The following KMT5C variants were observed in gnomAD, a reference collection of about 807,000 sequenced individuals.
KMT5C encodes the protein lysine methyltransferase 5C, also known as histone-lysine N-methyltransferase KMT5C.
KMT5C carries 16 observed loss-of-function variants against 38.2 expected under a neutral mutation model. That is an observed-to-expected ratio of 0.42 (90% CI 0.28 to 0.64). KMT5C has a LOEUF of 0.64. KMT5C is among the 30% of genes least tolerant of loss of function. KMT5C has a pLI of 0.23. For missense variants in KMT5C, 598 were observed against 665.1 expected, an observed-to-expected ratio of 0.90 and a Z score of 1.11; for synonymous variants, 291 against 279.0, an observed-to-expected ratio of 1.04 and a Z score of -0.43.
At position 55,347,132 on chromosome 19, in the gene KMT5C, C is replaced by G. The variant is rs1335371579; in HGVS notation, c.1072C>G (p.Arg358Gly). The change falls in exon 9 of 9, where the codon CGA becomes GGA. Residue 358 changes from arginine (R) to glycine (G), a missense_variant. Physicochemically the swap from Arg to Gly is moderately radical, Grantham distance 125. Coordinates refer to ENST00000255613, the MANE Select transcript of KMT5C (RefSeq NM_032701.4). The surrounding 1 kb of genome is among the most constrained non-coding windows in gnomAD (Gnocchi z 4.6). ...CCACGCTGCCCGCGTCTCCCTGCAC[C>G]GATGGGGAGGCTGTGGCCCCCACTG... ...THHAARVSLH[R>G]WGGCGPHCRL... 2 of 1,542,396 alleles carry G rather than the reference C, an allele frequency of 1.3e-6. No individual in the cohort carries two copies. Among genetic ancestry groups the G allele is most frequent in the East Asian group, 4.8e-5 (2 of 41,362 alleles).
rs1040667879 is a variant in KMT5C at position 55,343,882 on chromosome 19, G to A, written c.550+39G>A. 1.9e-6 allele frequency: 3 copies of A among 1,609,532 alleles called. No individual in the cohort carries two copies. In the African/African-American group the frequency reaches 4.0e-5, roughly 22 times the overall value. On this transcript the variant is annotated intron_variant, in intron 5 of 8. Transcript: ENST00000255613. The surrounding 1 kb of genome is among the most constrained non-coding windows in gnomAD (Gnocchi z 5.5). ...AGGTGGATGGGCAGGACGGGATAGA[G>A]CCAGGCAGGGCTGGAGGGGTGTAGT... is the stretch of plus-strand genomic sequence containing the variant.
Position 55,343,756 on chromosome 19 carries a change from G to T in KMT5C, c.463G>T (p.Ala155Ser). The T allele has an allele frequency of 6.2e-7, 1 of 1,603,766 alleles. No individual in the cohort carries two copies. The change falls in exon 5 of 9, where the codon GCC becomes TCC. Residue 155 changes from alanine (A) to serine (S), a missense_variant. By Grantham distance (99) the Ala-to-Ser change is moderately conservative. Coordinates refer to ENST00000255613, the MANE Select transcript of KMT5C (RefSeq NM_032701.4). This position sits in a 1 kb window ranked among gnomAD's most constrained non-coding sequence, Gnocchi z 5.5. ...GGAGGCAGATGAGGGGCTGCTGAGG[G>T]CCGGTGAGAATGACTTCAGCATCAT... Reference protein sequence around the residue: ...LREADEGLLRAGENDFSIMYS... With the variant: ...LREADEGLLRSGENDFSIMYS...
intron 6 of KMT5C, chr19:55,345,241 G>C (rs2089604465): frequency 2.7e-6 from 1 of 365,562 alleles, no homozygotes; most frequent in Non-Finnish European, 5.4e-6. Flanking sequence ...GCAAAGGGGG[G>C]CGTCTAGCAG....
In KMT5C at chr19:55,348,006, T is replaced by A. The variant is rs965115252; in HGVS notation, c.*557T>A. The A allele has an allele frequency of 6.5e-6, 1 of 152,992 alleles. No individual in the cohort carries two copies. Among genetic ancestry groups the A allele is most frequent in the African/African-American group, 2.4e-5 (1 of 41,470 alleles). The allele number at this position is 152,992 out of a possible 1,614,324, so 9.5% of individuals were successfully genotyped here. A position where few individuals can be genotyped will look rare whatever the true frequency, so the allele number is the denominator to read the frequency against. On this transcript the variant is annotated 3_prime_UTR_variant, in exon 9 of 9. Transcript: ENST00000255613. ...TGACCTCATCTTTCTCATGGTGCTA[T>A]CCTGGTGCTATTGGGGTGGGGAGCT...
chr19:55,341,357 C>A (rs1315368831), intron 1 of KMT5C, among the ~76,000 whole-genome samples: 1 of 151,792 alleles, frequency 6.6e-6, no homozygotes, highest in East Asian at 1.9e-4. Context: ...CTCCCGAAGG[C>A]TGCCGGGGAG....
rs1433503809 is a variant in KMT5C, at chr19:55,346,740, C to T, written c.895+53C>T. The T allele has an allele frequency of 1.9e-5, 27 of 1,398,972 alleles. 1 individual carries two copies. The East Asian group carries it at 6.7e-4, about 35-fold the overall frequency. The allele number at this position is 1,398,972 out of a possible 1,614,324, so 86.7% of individuals were successfully genotyped here. A position where few individuals can be genotyped will look rare whatever the true frequency, so the allele number is the denominator to read the frequency against. ...AGCCCCTCCCCTGTCTGCTCCTGGT[C>T]ATCTGTCTCCTTTCTTCTGAGCTCT... On this transcript the variant is annotated intron_variant, in intron 8 of 8. Coordinates refer to ENST00000255613, the MANE Select transcript of KMT5C (RefSeq NM_032701.4).
chr19:55,346,195 A>T lies in KMT5C; in HGVS notation c.571-18A>T, dbSNP rs746468166. 2 of 1,613,152 alleles carry T rather than the reference A, an allele frequency of 1.2e-6. No homozygotes were observed. Among genetic ancestry groups the T allele is most frequent in the East Asian group, 4.5e-5 (2 of 44,816 alleles). On this transcript the variant is annotated intron_variant, in intron 6 of 8. Coordinates refer to ENST00000255613, the MANE Select transcript of KMT5C (RefSeq NM_032701.4). ...CCCTGTGCCCTGGGCCAGGGCGCTG[A>T]GTGGGCTTGGCCCTCAGTTTGTGCC... is the stretch of plus-strand genomic sequence containing the variant.
chr19:55,342,234 C>A lies in KMT5C; in HGVS notation c.130C>A (p.Arg44=), dbSNP rs374992499. 2.0e-4 allele frequency: 320 copies of A among 1,609,974 alleles called. 1 individual carries two copies. Among genetic ancestry groups the A allele is most frequent in the Non-Finnish European group, 2.6e-4 (309 of 1,178,986 alleles). ...MNVSPVPPLR[R]QQHLRSALET... ...CCCCAGCCCTGTGCCCCCCCTGCGG[C>A]GACAGCAGCACCTGCGCTCAGCGCT... is the stretch of plus-strand genomic sequence containing the variant. The change falls in exon 3 of 9, where the codon CGA becomes AGA. Residue 44 remains arginine (R), a synonymous_variant. Transcript: ENST00000255613.
At chr19:55,342,932 C>A in intron 4 of KMT5C, 81 bp downstream of exon 4, 1 of 930,420 alleles carries the variant, frequency 1.1e-6, no homozygotes, top group African/African-American at 1.6e-5. Flanking sequence ...TGTTCATGGA[C>A]TGGCCAACCG....
At position 55,347,159 on chromosome 19, in the gene KMT5C, C is replaced by T. The variant is rs529593439; in HGVS notation, c.1099C>T (p.Arg367Cys). The part of the protein sequence containing the change: ...HRWGGCGPHC[R>C]LRGEALVALG... The stretch of plus-strand genomic sequence containing the variant: ...ATGGGGAGGCTGTGGCCCCCACTGC[C>T]GCCTGCGAGGAGAGGCCCTGGTGGC... The change falls in exon 9 of 9, where the codon CGC becomes TGC. Residue 367 changes from arginine to cysteine, a missense_variant. By Grantham distance (180) the Arg-to-Cys change is radical (BLOSUM62 -3). Transcript: ENST00000255613. This position sits in a 1 kb window ranked among gnomAD's most constrained non-coding sequence, Gnocchi z 4.6. The T allele has an allele frequency of 1.2e-5, 18 of 1,536,636 alleles. No homozygotes were observed. Among genetic ancestry groups the T allele is most frequent in the Admixed American group, 5.9e-5 (3 of 51,076 alleles).
Position 55,342,210 on chromosome 19 carries a change from C to G in KMT5C, c.111-5C>G. Reference sequence around the variant, plus strand: ...CCTGGGACCCAGGCATGCCCTCTCCCCCAGCCCTGTGCCCCCCCTGCGGCG... The same window carrying G: ...CCTGGGACCCAGGCATGCCCTCTCCGCCAGCCCTGTGCCCCCCCTGCGGCG... On this transcript the variant is annotated splice_region_variant and splice_polypyrimidine_tract_variant and intron_variant, in intron 2 of 8. Coordinates refer to ENST00000255613, the MANE Select transcript of KMT5C (RefSeq NM_032701.4). 2 of 1,608,534 alleles carry G rather than the reference C, an allele frequency of 1.2e-6. No individual in the cohort carries two copies. Among genetic ancestry groups the G allele is most frequent in the Non-Finnish European group, 1.7e-6 (2 of 1,178,286 alleles).
chr19:55,343,921 G>A lies in KMT5C; in HGVS notation c.551-57G>A, dbSNP rs1234789487. On this transcript the variant is annotated intron_variant, in intron 5 of 8. Transcript: ENST00000255613. This position sits in a 1 kb window ranked among gnomAD's most constrained non-coding sequence, Gnocchi z 5.5. Reference sequence around the variant, plus strand: ...GAGGGGTGTAGTGGGAGGGTTCTGCGACTGAGCTGCCGAGCTCATCTACCT... The same window carrying A: ...GAGGGGTGTAGTGGGAGGGTTCTGCAACTGAGCTGCCGAGCTCATCTACCT... The A allele has an allele frequency of 1.3e-5, 21 of 1,607,624 alleles. No homozygotes were observed. The highest frequency in any genetic ancestry group is 3.3e-5 in the Admixed American group (2 of 59,868).
rs572257090 is a variant in KMT5C, at chr19:55,346,419, G to T, written c.707+70G>T. Reference sequence around the variant, plus strand: ...CTTGAGCCCAGAAACGCACCCTCGGGACCCATCCCTGAGTGTGTCCAACCC... The same window carrying T: ...CTTGAGCCCAGAAACGCACCCTCGGTACCCATCCCTGAGTGTGTCCAACCC... On this transcript the variant is annotated intron_variant, in intron 7 of 8. Transcript: ENST00000255613. The T allele has an allele frequency of 2.5e-4, 402 of 1,610,894 alleles. 2 individuals are homozygous for T. The East Asian group carries it at 8.0e-3, about 32-fold the overall frequency.
Position 55,341,015 on chromosome 19 carries a change from C to A in KMT5C, c.-143-779C>A, listed in dbSNP as rs548288904. Among the ~76,000 whole-genome samples the A allele has an allele frequency of 1.7e-4, 26 of 152,346 alleles. No individual in the cohort carries two copies. In the South Asian group the frequency reaches 3.5e-3, roughly 21 times the overall value. On this transcript the variant is annotated intron_variant, in intron 1 of 8. Coordinates refer to ENST00000255613, the MANE Select transcript of KMT5C (RefSeq NM_032701.4). ...TCTGCAGCTCCCGCTCCTTGCCCTG[C>A]CCCATCTCCTCCTCTCCTGGGCGCG... is the stretch of plus-strand genomic sequence containing the variant.
At chr19:55,342,110 C>T (rs533495408) in intron 2 of KMT5C, 64 bp downstream of exon 2, 14 of 1,574,302 alleles carry the variant, frequency 8.9e-6, no homozygotes, top group East Asian at 2.2e-5. Context: ...GCACCGCTGC[C>T]GCCCCTCGGC....
intron 1 of KMT5C, among the ~76,000 whole-genome samples, chr19:55,341,012 C>T (rs1349301374): frequency 6.6e-6 from 1 of 152,244 alleles, no homozygotes; most frequent in Non-Finnish European, 1.5e-5. Flanking sequence ...GCTCCTTGCC[C>T]TGCCCCATCT....
At position 55,343,447 on chromosome 19, in the gene KMT5C, T is replaced by C; in HGVS notation, c.387-233T>C. On this transcript the variant is annotated intron_variant, in intron 4 of 8. Transcript: ENST00000255613. The surrounding 1 kb of genome is among the most constrained non-coding windows in gnomAD (Gnocchi z 5.5). Reference sequence around the variant, plus strand: ...ATGGGGGCTGTATCTGCTGTGTGCGTGCTGCCCTGAAGGCTTTCAGTAGAA... The same window carrying C: ...ATGGGGGCTGTATCTGCTGTGTGCGCGCTGCCCTGAAGGCTTTCAGTAGAA... 1 of 579,824 alleles carries C rather than the reference T, an allele frequency of 1.7e-6. No homozygotes were observed. Among genetic ancestry groups the C allele is most frequent in the South Asian group, 2.0e-5 (1 of 48,950 alleles). 35.9% of individuals were successfully genotyped at this position (579,824 alleles called of 1,614,324 possible). A position where few individuals can be genotyped will look rare whatever the true frequency, so the allele number is the denominator to read the frequency against.
chr19:55,345,337 G>A lies in KMT5C; in HGVS notation c.571-876G>A, dbSNP rs902949320. The A allele has an allele frequency of 3.1e-4, 109 of 350,030 alleles. 1 individual carries two copies. The highest frequency in any genetic ancestry group is 2.2e-3 in the African/African-American group (103 of 46,708). 21.7% of individuals were successfully genotyped at this position (350,030 alleles called of 1,614,324 possible). The stretch of plus-strand genomic sequence containing the variant: ...TTGGGGTCCGGGCCAGGGAGCCATG[G>A]AAGCTCCCCCCAGGGTGTATAATGG... On this transcript the variant is annotated intron_variant, in intron 6 of 8. Coordinates refer to ENST00000255613, the MANE Select transcript of KMT5C (RefSeq NM_032701.4).
Position 55,342,245 on chromosome 19 carries a change from C to A in KMT5C, c.141C>A (p.His47Gln). ...TGCCCCCCCTGCGGCGACAGCAGCA[C>A]CTGCGCTCAGCGCTGGAAACTTTCC... The part of the protein sequence containing the change: ...SPVPPLRRQQ[H>Q]LRSALETFLR... Residue 47 changes from histidine to glutamine, a missense_variant, in exon 3 of 9, where the codon CAC becomes CAA. By Grantham distance (24) the His-to-Gln change is conservative. Coordinates refer to ENST00000255613, the MANE Select transcript of KMT5C (RefSeq NM_032701.4). The A allele has an allele frequency of 6.2e-7, 1 of 1,609,930 alleles. No homozygotes were observed. Among genetic ancestry groups the A allele is most frequent in the Non-Finnish European group, 8.5e-7 (1 of 1,178,948 alleles).
Sources: allele counts gnomAD v4.1 joint callset (sites outside exome capture counted in the v4.1 genomes callset), GRCh38; gene constraint gnomAD v4.1.1; non-coding constraint Gnocchi (gnomAD v3.1); transcripts MANE v1.5; gene names NCBI Gene and HGNC (gene_info 2026-07-23, HGNC 2026-07-21).